The following TEX15 variants were observed in gnomAD, a reference collection of about 807,000 sequenced individuals.
The protein encoded by TEX15 is testis-expressed protein 15.
In TEX15, 171 loss-of-function variants were observed where a neutral mutation model predicts 237.3. The ratio of observed to expected loss-of-function variants is 0.72; its 90% CI spans 0.64 to 0.82. The LOEUF is 0.82. Ranked by LOEUF, TEX15 falls within the 40% of genes least tolerant of loss-of-function variation. TEX15 has a pLI of 0.00. For missense variants in TEX15, 3,750 were observed against 3,646.5 expected, an observed-to-expected ratio of 1.03 and a Z score of -0.73; for synonymous variants, 1,338 against 1,269.8, an observed-to-expected ratio of 1.05 and a Z score of -1.14.
intron 4 of TEX15, among the ~76,000 whole-genome samples, chr8:30,870,520 A>G (rs1054722658): frequency 5.3e-5 from 8 of 152,078 alleles, no homozygotes; most frequent in Non-Finnish European, 1.0e-4. Flanking sequence ...GGGGTCGCCT[A>G]AAGTAGAGAT....
At chr8:30,882,415 T>G (rs919057040) in intron 3 of TEX15, among the ~76,000 whole-genome samples, 2 of 152,158 alleles carry the variant, frequency 1.3e-5, no homozygotes. Context: ...GCCTCCCAAG[T>G]AGCTGGGACT....
intron 3 of TEX15, among the ~76,000 whole-genome samples, chr8:30,886,574 C>T (rs918091715): frequency 6.7e-6 from 1 of 148,538 alleles, no homozygotes; most frequent in African/African-American, 2.6e-5. Flanking sequence ...CGTGGATCAC[C>T]ACTGGCACCA....
chr8:30,891,116 C>G (rs927914148), intron 2 of TEX15, among the ~76,000 whole-genome samples: 1 of 151,958 alleles, frequency 6.6e-6, no homozygotes, highest in Non-Finnish European at 1.5e-5. Context: ...CTAGTGTTGC[C>G]CAGGCTGGTC....
rs763846574 is a variant in TEX15 at position 30,839,857 on chromosome 8, CCAATTTTGTT to C, written c.8222+39_8222+48del. On this transcript the variant is annotated intron_variant, in intron 9 of 10. Coordinates refer to ENST00000643185, the MANE Select transcript of TEX15 (RefSeq NM_001350162.2). ...GTTATTCTAGTTGTTTAGTATTTGC[CCAATTTTGTT>C]CAATTTTTTTTCCACATAGGGCTGA... 1.2e-5 allele frequency: 15 copies of C among 1,300,246 alleles called. No individual in the cohort carries two copies. The Admixed American group carries it at 3.1e-4, about 27-fold the overall frequency. 80.5% of individuals were successfully genotyped at this position (1,300,246 alleles called of 1,614,324 possible).
intron 1 of TEX15, among the ~76,000 whole-genome samples, chr8:30,901,264 A>G (rs1342218734): frequency 1.3e-5 from 2 of 152,220 alleles, no homozygotes; most frequent in Non-Finnish European, 2.9e-5. Flanking sequence ...GCACAGGAAT[A>G]TAGTGTTTGC....
At chr8:30,867,237 T>C in intron 5 of TEX15, 28 bp downstream of exon 5, 1 of 1,100,304 alleles carries the variant, frequency 9.1e-7, no homozygotes, top group Non-Finnish European at 1.3e-6. Context: ...ACTGTCCATA[T>C]ACTTAATATT....
intron 3 of TEX15, among the ~76,000 whole-genome samples, chr8:30,876,483 A>G (rs1455039841): frequency 6.6e-6 from 1 of 152,090 alleles, no homozygotes; most frequent in African/African-American, 2.4e-5. Context: ...AAATCTCATG[A>G]ATCTATAAAT....
Position 30,842,841 on chromosome 8 carries a change from A to C in TEX15, c.7326T>G (p.Ile2442Met), listed in dbSNP as rs1365636556. The stretch of plus-strand genomic sequence containing the variant: ...CCATGACGATTTCAATATACATTTC[A>C]ATAGCTTCAGGCTTTAAAATGATAG... ...HEAIILKPEA[I>M]EMYIEIVMVS... Residue 2442 changes from isoleucine to methionine, a missense_variant, in exon 8 of 11, where the codon ATT becomes ATG. Physicochemically the swap from Ile to Met is conservative, Grantham distance 10. Coordinates refer to ENST00000643185, the MANE Select transcript of TEX15 (RefSeq NM_001350162.2). 6.2e-7 allele frequency: 1 copy of C among 1,612,828 alleles called. No individual in the cohort carries two copies. Among genetic ancestry groups the C allele is most frequent in the South Asian group, 1.1e-5 (1 of 91,002 alleles).
chr8:30,848,693 T>C lies in TEX15; in HGVS notation c.1474A>G (p.Asn492Asp). ...TTAAAGCAAGGGGTATCCAAACCAT[T>C]AGTAAGAACAGCACAATCACCAGGG... ...VVPGDCAVLT[N>D]GLDTPCFKTS... Residue 492 changes from asparagine to aspartate, a missense_variant, in exon 8 of 11, where the codon AAT becomes GAT. Physicochemically the swap from Asn to Asp is conservative, Grantham distance 23. Coordinates refer to ENST00000643185, the MANE Select transcript of TEX15 (RefSeq NM_001350162.2). 1.9e-6 allele frequency: 3 copies of C among 1,614,146 alleles called. No individual in the cohort carries two copies. The highest frequency in any genetic ancestry group is 2.5e-6 in the Non-Finnish European group (3 of 1,180,010).
chr8:30,902,973 C>T (rs1192246780), intron 1 of TEX15, among the ~76,000 whole-genome samples: 1 of 152,088 alleles, frequency 6.6e-6, no homozygotes, highest in Non-Finnish European at 1.5e-5. Context: ...AGGGAAAAGG[C>T]AAGAGAGGGA....
intron 10 of TEX15, among the ~76,000 whole-genome samples, chr8:30,834,476 T>C (rs1211098411): frequency 1.0e-5 from 1 of 97,190 alleles, no homozygotes; most frequent in East Asian, 5.3e-4. Context: ...CCAGCCTTTT[T>C]TCCCCTCTTT....
At chr8:30,898,908 T>C in intron 1 of TEX15, 91 bp from the exon 2 acceptor site, 1 of 152,206 alleles carries the variant, frequency 6.6e-6, no homozygotes, top group Non-Finnish European at 1.5e-5. Context: ...GTCTTCTCTA[T>C]TCATTTTTTT....
Position 30,847,246 on chromosome 8 carries a change from C to G in TEX15, c.2921G>C (p.Ser974Thr). ...LASTTFPKTA[S>T]SSVCVASNAA... is the part of the protein sequence containing the mutation. The stretch of plus-strand genomic sequence containing the variant: ...ATTTGAGGCTACACACACTGAAGAA[C>G]TTGCAGTTTTGGGAAATGTCGTGGA... Residue 974 changes from serine (S) to threonine (T), a missense_variant, in exon 8 of 11, where the codon AGT becomes ACT. Transcript: ENST00000643185. 6.2e-7 allele frequency: 1 copy of G among 1,613,956 alleles called. No individual in the cohort carries two copies. The highest frequency in any genetic ancestry group is 8.5e-7 in the Non-Finnish European group (1 of 1,179,860).
intron 10 of TEX15, among the ~76,000 whole-genome samples, chr8:30,835,248 G>A (rs1807265096): frequency 1.3e-5 from 2 of 152,072 alleles, no homozygotes; most frequent in Admixed American, 1.3e-4. Flanking sequence ...GGGATTACAG[G>A]TGTGTACTAC....
intron 2 of TEX15, among the ~76,000 whole-genome samples, chr8:30,889,954 C>CATATATATATATATATATACATATATAT: frequency 9.1e-6 from 1 of 110,086 alleles, no homozygotes; most frequent in African/African-American, 4.5e-5. Flanking sequence ...TATATATATA[C>CATATATATATATATATATACATATATAT]ATATATATAT....
chr8:30,848,088 A>T lies in TEX15; in HGVS notation c.2079T>A (p.Ser693=), dbSNP rs770497816. 3 of 1,611,060 alleles carry T rather than the reference A, an allele frequency of 1.9e-6. No individual in the cohort carries two copies. The Admixed American group carries it at 5.0e-5, about 27-fold the overall frequency. The change falls in exon 8 of 11, where the codon TCT becomes TCA. Residue 693 remains serine, a synonymous_variant. Transcript: ENST00000643185. ...LITQELEITK[S]STSTIKDKDE... is the part of the protein sequence containing the mutation. ...CCTTATCCTTTATGGTAGATGTAGA[A>T]GATTTTGTTATTTCTAACTCTTGAG... is the stretch of plus-strand genomic sequence containing the variant.
intron 8 of TEX15, 106 bp downstream of exon 8, chr8:30,841,898 T>C: frequency 1.4e-6 from 1 of 708,318 alleles, no homozygotes; most frequent in Non-Finnish European, 2.2e-6. Context: ...TGCCAGACAA[T>C]TTACCATTCT....
chr8:30,898,427 A>G (rs1488445360), intron 2 of TEX15, among the ~76,000 whole-genome samples: 1 of 152,192 alleles, frequency 6.6e-6, no homozygotes, highest in African/African-American at 2.4e-5. Context: ...CCATCATCCC[A>G]GACACTGAAT....
intron 3 of TEX15, among the ~76,000 whole-genome samples, chr8:30,882,128 C>T (rs1159111933): frequency 2.6e-5 from 4 of 151,794 alleles, no homozygotes; most frequent in Non-Finnish European, 5.9e-5. Flanking sequence ...TGTTATTTAC[C>T]TTACTTTTTG....
Sources: allele counts gnomAD v4.1 joint callset (sites outside exome capture counted in the v4.1 genomes callset), GRCh38; gene constraint gnomAD v4.1.1; transcripts MANE v1.5; gene names NCBI Gene and HGNC (gene_info 2026-07-23, HGNC 2026-07-21).